DPP6: variants seen among roughly 807,000 people sequenced by gnomAD.
The protein encoded by DPP6 is A-type potassium channel modulatory protein DPP6.
In DPP6, 69 loss-of-function variants were observed where a neutral mutation model predicts 122.6. The observed-to-expected ratio is 0.56, with a 90% CI of 0.46 to 0.69. The LOEUF is 0.69. Ranked by LOEUF, DPP6 falls within the 30% of genes least tolerant of loss-of-function variation. The pLI is 0.00. For missense variants in DPP6, 928 were observed against 1,116.9 expected (o/e 0.83, Z 2.41); for synonymous variants, 418 against 433.1 (o/e 0.97, Z 0.43).
At chr7:153,825,834 T>G in the DPP6 span, among the ~76,000 whole-genome samples, 1 of 152,204 alleles carries the variant, frequency 6.6e-6, no homozygotes, top group African/African-American at 2.4e-5. Context: ...GTGCTGGGAT[T>G]ACAGGCAGGA....
At chr7:153,952,817 A>G (rs1228856252) in intron 1 of DPP6, among the ~76,000 whole-genome samples, 1 of 152,266 alleles carries the variant, frequency 6.6e-6, no homozygotes, top group Non-Finnish European at 1.5e-5. Context: ...AGCAATTTAT[A>G]GCAAATGCTT....
At chr7:154,570,996 CTTATT>C (rs902324063) in intron 5 of DPP6, among the ~76,000 whole-genome samples, 3 of 152,148 alleles carry the variant, frequency 2.0e-5, no homozygotes, top group African/African-American at 4.8e-5. Context: ...TTTACACCAC[CTTATT>C]TTATCTCAAA....
At chr7:153,974,378 C>G (rs1285622755) in intron 1 of DPP6, among the ~76,000 whole-genome samples, 1 of 152,134 alleles carries the variant, frequency 6.6e-6, no homozygotes, top group Non-Finnish European at 1.5e-5. Flanking sequence ...GATTTAGTTC[C>G]TAATGAATAA....
At chr7:154,423,704 C>T (rs1189076220) in intron 1 of DPP6, among the ~76,000 whole-genome samples, 1 of 152,152 alleles carries the variant, frequency 6.6e-6, no homozygotes. Context: ...ACTATGTTGT[C>T]AAGGAACAGT....
At chr7:154,031,877 T>G (rs4452718) in intron 1 of DPP6, among the ~76,000 whole-genome samples, 21,324 of 85,014 alleles carry the variant, frequency 0.25, 1,562 homozygotes, top group Admixed American at 0.3. Context: ...TTTTTTTTTT[T>G]GGGGGACGGG....
At chr7:154,296,851 T>C (rs1253411065) in intron 1 of DPP6, among the ~76,000 whole-genome samples, 1 of 152,210 alleles carries the variant, frequency 6.6e-6, no homozygotes, top group Non-Finnish European at 1.5e-5. Flanking sequence ...TACTGAGCCC[T>C]GTTTGATGAA....
Position 154,769,104 on chromosome 7 carries a change from C to T in DPP6, c.884-313C>T, listed in dbSNP as rs146486252. Among the ~76,000 whole-genome samples, 10 of 152,224 alleles carry T rather than the reference C, an allele frequency of 6.6e-5. No individual in the cohort carries two copies. The East Asian group carries it at 1.5e-3, about 23-fold the overall frequency. The stretch of plus-strand genomic sequence containing the variant: ...ACAATCATAGTTCAACTCAAAAGGA[C>T]GTGTTGGGCTCATAGTGCTCAAATG... On this transcript the variant is annotated intron_variant, in intron 8 of 25. Coordinates refer to ENST00000377770, the MANE Select transcript of DPP6 (RefSeq NM_130797.4).
chr7:154,802,080 AGGACGGGGCTGCCATGGTGTTGACTTTGG>A (rs1249322024), intron 13 of DPP6, among the ~76,000 whole-genome samples: 1 of 152,118 alleles, frequency 6.6e-6, no homozygotes, highest in East Asian at 1.9e-4. Context: ...TCACGCCTGC[AGGACGGGGCTGCCATGGTGTTGACTTTGG>A]GGGACTCTGC....
At chr7:154,095,338 A>G (rs1337744043) in intron 1 of DPP6, 1 of 143,096 alleles carries the variant, frequency 7.0e-6, no homozygotes, top group Non-Finnish European at 1.6e-5. Context: ...AAATTTGGGG[A>G]TCTATCACCC....
the DPP6 span, among the ~76,000 whole-genome samples, chr7:153,848,139 G>A: frequency 6.6e-6 from 1 of 152,148 alleles, no homozygotes. Flanking sequence ...AGTCACAGCG[G>A]CTGAGGCCCT....
intron 16 of DPP6, among the ~76,000 whole-genome samples, chr7:154,851,145 ATTAAGT>A (rs2150573311): frequency 6.6e-6 from 1 of 152,332 alleles, no homozygotes; most frequent in South Asian, 2.1e-4. Flanking sequence ...AGAAACATAT[ATTAAGT>A]TTATGAATTA....
intron 1 of DPP6, among the ~76,000 whole-genome samples, chr7:154,314,257 C>T (rs1227728825): frequency 1.3e-5 from 2 of 152,130 alleles, no homozygotes; most frequent in Non-Finnish European, 2.9e-5. Context: ...CACGCTGTTG[C>T]TGTAAAAAAC....
At chr7:154,491,606 A>G (rs1314031896) in intron 3 of DPP6, among the ~76,000 whole-genome samples, 1 of 152,194 alleles carries the variant, frequency 6.6e-6, no homozygotes, top group Non-Finnish European at 1.5e-5. Flanking sequence ...TTGAGACAGC[A>G]TAAAAGAAGA....
intron 7 of DPP6, among the ~76,000 whole-genome samples, chr7:154,692,026 G>A (rs745336465): frequency 1.7e-4 from 26 of 152,006 alleles, no homozygotes; most frequent in Non-Finnish European, 3.4e-4. Flanking sequence ...ACCCCTCTGA[G>A]CCTCAGTTTC....
chr7:154,398,751 C>T (rs530396629), intron 1 of DPP6, among the ~76,000 whole-genome samples: 3 of 152,148 alleles, frequency 2.0e-5, no homozygotes, highest in Admixed American at 1.3e-4. Flanking sequence ...GTCTCAGAGG[C>T]GTGATTCTCT....
intron 3 of DPP6, among the ~76,000 whole-genome samples, chr7:154,516,964 C>G (rs570394451): frequency 3.9e-4 from 60 of 152,266 alleles, no homozygotes; most frequent in African/African-American, 1.4e-3. Flanking sequence ...GGCTTCCAGT[C>G]TTTTCTGTTA....
chr7:154,350,459 G>C (rs143653386), intron 1 of DPP6, among the ~76,000 whole-genome samples: 1 of 152,142 alleles, frequency 6.6e-6, no homozygotes, highest in Non-Finnish European at 1.5e-5. Flanking sequence ...GTGCTAAGTC[G>C]TAGACCCATT....
intron 10 of DPP6, among the ~76,000 whole-genome samples, chr7:154,787,849 G>A (rs374815326): frequency 6.6e-6 from 1 of 152,066 alleles, no homozygotes; most frequent in Non-Finnish European, 1.5e-5. Flanking sequence ...AGAAACATAG[G>A]TGTTTCTATT....
intron 7 of DPP6, among the ~76,000 whole-genome samples, chr7:154,721,415 G>T (rs967068153): frequency 6.6e-6 from 1 of 152,160 alleles, no homozygotes; most frequent in Admixed American, 6.5e-5. Context: ...GATAGTACCT[G>T]CCCCATAGGG....
Sources: gnomAD v4.1 joint callset for allele counts (sites outside exome capture counted in the v4.1 genomes callset) on GRCh38, gnomAD v4.1.1 for gene constraint, MANE v1.5 for transcripts, NCBI Gene and HGNC (gene_info 2026-07-23, HGNC 2026-07-21) for gene names.